Variants in NLRP5 observed in about 807,000 individuals in gnomAD.
NLRP5 encodes NACHT, LRR and PYD domains-containing protein 5.
A neutral mutation model predicts 113.1 loss-of-function variants in NLRP5; 93 were observed. The ratio of observed to expected loss-of-function variants is 0.82; its 90% CI spans 0.70 to 0.98. The LOEUF is 0.98. Ranked by LOEUF, NLRP5 falls within the 50% of genes least tolerant of loss-of-function variation. The pLI is 0.00. For missense variants in NLRP5, 1,808 were observed against 1,514.3 expected (o/e 1.19, Z -3.22); for synonymous variants, 751 against 600.7 (o/e 1.25, Z -3.66).
chr19:56,017,957 AT>A (rs1243923272), intron 4 of NLRP5, among the ~76,000 whole-genome samples: 3 of 152,180 alleles, frequency 2.0e-5, no homozygotes, highest in African/African-American at 7.2e-5. Flanking sequence ...GTATTTTTTA[AT>A]ATTTATTTTC....
intron 4 of NLRP5, among the ~76,000 whole-genome samples, chr19:56,018,115 G>A (rs1024950593): frequency 2.6e-5 from 4 of 152,048 alleles, no homozygotes; most frequent in African/African-American, 9.7e-5. Flanking sequence ...CGTCCCAAAC[G>A]CAATCCACTT....
intron 6 of NLRP5, among the ~76,000 whole-genome samples, chr19:56,024,521 A>ATG (rs1982755949): frequency 9.0e-6 from 1 of 111,562 alleles, no homozygotes; most frequent in Non-Finnish European, 1.9e-5. Flanking sequence ...ATGTGTATGT[A>ATG]TATGTATACA....
rs201329420 is a variant in NLRP5, at chr19:56,027,783, G to A, written c.1550G>A (p.Arg517Gln). The change falls in exon 7 of 15, where the codon CGG becomes CAG. Residue 517 changes from arginine to glutamine, a missense_variant. By Grantham distance (43) the Arg-to-Gln change is conservative. Coordinates refer to ENST00000390649, the MANE Select transcript of NLRP5 (RefSeq NM_153447.4). ...CAGCTCACCCCTCGAGGCGTGGTCC[G>A]GCGCTGTCTCAATCTGGAGGAAAGA... is the stretch of plus-strand genomic sequence containing the variant. 202 of 1,613,982 alleles carry A rather than the reference G, an allele frequency of 1.3e-4. 1 individual carries two copies. Among genetic ancestry groups the A allele is most frequent in the South Asian group, 9.4e-4 (86 of 91,074 alleles).
At chr19:56,005,514 A>G (rs892896713) in intron 2 of NLRP5, among the ~76,000 whole-genome samples, 1 of 148,892 alleles carries the variant, frequency 6.7e-6, no homozygotes, top group African/African-American at 2.5e-5. Context: ...GTACACATAT[A>G]TATTTATACA....
At chr19:55,998,729 T>TATATATAC (rs1416438411), upstream of NLRP5, among the ~76,000 whole-genome samples, 1 of 132,816 alleles carries the variant, frequency 7.5e-6, no homozygotes, top group Non-Finnish European at 1.5e-5. Flanking sequence ...TATATATATA[T>TATATATAC]GTGTATATAT....
the NLRP5 span, among the ~76,000 whole-genome samples, chr19:55,992,953 G>T: frequency 6.6e-6 from 1 of 151,858 alleles, no homozygotes; most frequent in African/African-American, 2.4e-5. Context: ...AGGTTCAAGC[G>T]ATTCTCCTGC....
chr19:56,030,526 G>T (rs73052211), intron 7 of NLRP5, among the ~76,000 whole-genome samples: 6,447 of 152,096 alleles, frequency 0.042, 138 homozygotes, highest in East Asian at 0.091. Flanking sequence ...AGAACAGCTT[G>T]CCCGTTACTT....
the NLRP5 span, among the ~76,000 whole-genome samples, chr19:55,994,399 G>A: frequency 6.6e-6 from 1 of 152,012 alleles, no homozygotes; most frequent in African/African-American, 2.4e-5. Context: ...CCCATTCTGC[G>A]GGGTTTTTTT....
intron 10 of NLRP5, among the ~76,000 whole-genome samples, chr19:56,039,619 A>G (rs1983445491): frequency 6.6e-6 from 1 of 152,170 alleles, no homozygotes; most frequent in South Asian, 2.1e-4. Flanking sequence ...CTACATAAAA[A>G]GCTGCTTAAA....
rs769626441 is a variant in NLRP5 at position 56,027,671 on chromosome 19, G to A, written c.1438G>A (p.Ala480Thr). Residue 480 changes from alanine (A) to threonine (T), a missense_variant, in exon 7 of 15, where the codon GCC (alanine) becomes ACC (threonine). Coordinates refer to ENST00000390649, the MANE Select transcript of NLRP5 (RefSeq NM_153447.4). ...CGCCGTGGGCTCTCTCATCTGCGTG[G>A]CCCTGCAGCTGCAGGACGTGGTGGG... 6.2e-7 allele frequency: 1 copy of A among 1,613,396 alleles called. No individual in the cohort carries two copies. Among genetic ancestry groups the A allele is most frequent in the Non-Finnish European group, 8.5e-7 (1 of 1,179,900 alleles).
chr19:56,027,038 G>A lies in NLRP5; in HGVS notation c.805G>A (p.Ala269Thr). 6.4e-7 allele frequency: 1 copy of A among 1,552,966 alleles called. No individual in the cohort carries two copies. The highest frequency in any genetic ancestry group is 8.7e-7 in the Non-Finnish European group (1 of 1,147,750). Residue 269 changes from alanine (A) to threonine (T), a missense_variant, in exon 7 of 15, where the codon GCT becomes ACT. Transcript: ENST00000390649. ...GCCGGAAATGCAAACGTTGGCTGGT[G>A]CTTTTGATTCAGACCGGTGGGGCTT... is the stretch of plus-strand genomic sequence containing the variant.
intron 7 of NLRP5, 91 bp from the exon 8 acceptor site, chr19:56,032,520 A>C: frequency 8.2e-7 from 1 of 1,224,180 alleles, no homozygotes; most frequent in Non-Finnish European, 1.1e-6. Flanking sequence ...TCTCACCTCG[A>C]GAGCTCGGTC....
At chr19:56,009,207 G>A (rs531523951) in intron 3 of NLRP5, among the ~76,000 whole-genome samples, 1 of 151,848 alleles carries the variant, frequency 6.6e-6, no homozygotes, top group South Asian at 2.1e-4. Flanking sequence ...AGACGTGGTG[G>A]TGGGTGCCTG....
upstream of NLRP5, among the ~76,000 whole-genome samples, chr19:55,997,950 AT>A (rs945910506): frequency 2.6e-5 from 4 of 151,882 alleles, no homozygotes; most frequent in African/African-American, 9.7e-5. Context: ...GAAGCTATAT[AT>A]TTTTTTATTC....
At chr19:56,014,985 A>C (rs1190128617) in intron 3 of NLRP5, among the ~76,000 whole-genome samples, 2 of 152,220 alleles carry the variant, frequency 1.3e-5, no homozygotes, top group Non-Finnish European at 2.9e-5. Flanking sequence ...TATGTCATGT[A>C]GATTAATGTT....
chr19:56,060,363 G>A (rs908949539), intron 14 of NLRP5, among the ~76,000 whole-genome samples: 4 of 152,168 alleles, frequency 2.6e-5, no homozygotes, highest in Admixed American at 2.6e-4. Flanking sequence ...CCCTATATGA[G>A]AAGTCCTCAT....
intron 1 of NLRP5, among the ~76,000 whole-genome samples, chr19:56,001,317 A>G (rs572536795): frequency 6.3e-4 from 78 of 124,370 alleles, no homozygotes; most frequent in East Asian, 1.4e-3. Context: ...AGCAAGACTC[A>G]GTCATTTAAA....
upstream of NLRP5, among the ~76,000 whole-genome samples, chr19:55,995,798 CCTT>C: frequency 6.6e-6 from 1 of 152,094 alleles, no homozygotes; most frequent in African/African-American, 2.4e-5. Flanking sequence ...TTTCTTACCT[CCTT>C]AGTTAAATTT....
chr19:56,035,551 T>C (rs868574597), intron 9 of NLRP5, among the ~76,000 whole-genome samples: 3 of 152,200 alleles, frequency 2.0e-5, no homozygotes, highest in Admixed American at 6.5e-5. Context: ...TCGGAAAAGA[T>C]GGATGGAGGC....
Sources: gnomAD v4.1 joint callset for allele counts (sites outside exome capture counted in the v4.1 genomes callset) on GRCh38, gnomAD v4.1.1 for gene constraint, MANE v1.5 for transcripts, NCBI Gene and HGNC (gene_info 2026-07-23, HGNC 2026-07-21) for gene names.